Variants in ACOXL observed in about 807,000 individuals in gnomAD.
The protein encoded by ACOXL is acyl-CoA oxidase like, also known as acyl-coenzyme A oxidase-like protein.
A neutral mutation model predicts 71.9 loss-of-function variants in ACOXL; 70 were observed. The observed-to-expected ratio is 0.97, with a 90% CI of 0.80 to 1.19. ACOXL has a LOEUF of 1.19. ACOXL is among the 50% of genes most tolerant of loss of function. ACOXL has a pLI of 0.00. For synonymous variants in ACOXL, 253 were observed against 281.6 expected, an observed-to-expected ratio of 0.90 and a Z score of 1.02; for missense variants, 703 against 736.3, an observed-to-expected ratio of 0.95 and a Z score of 0.52.
intron 17 of ACOXL, among the ~76,000 whole-genome samples, chr2:111,108,738 G>A (rs1045900166): frequency 6.6e-6 from 1 of 152,164 alleles, no homozygotes; most frequent in Non-Finnish European, 1.5e-5. Flanking sequence ...ACTGTATAAT[G>A]CAGATCTCAG....
intron 10 of ACOXL, among the ~76,000 whole-genome samples, chr2:110,841,618 C>T (rs1383867862): frequency 1.3e-5 from 2 of 152,126 alleles, no homozygotes; most frequent in African/African-American, 4.8e-5. Context: ...GTAGATAGCA[C>T]ATTTATTTCA....
At chr2:110,903,033 C>G (rs976052365) in intron 10 of ACOXL, among the ~76,000 whole-genome samples, 5 of 152,248 alleles carry the variant, frequency 3.3e-5, no homozygotes, top group Non-Finnish European at 5.9e-5. Context: ...CCTCCTTCTT[C>G]TGGTTGCAGG....
intron 3 of ACOXL, among the ~76,000 whole-genome samples, chr2:110,790,163 G>A (rs1312604862): frequency 6.6e-6 from 1 of 152,214 alleles, no homozygotes; most frequent in African/African-American, 2.4e-5. Flanking sequence ...CTCCATAAAT[G>A]GTGGGGACTG....
chr2:111,034,454 A>G (rs1395622415), intron 15 of ACOXL, among the ~76,000 whole-genome samples: 1 of 152,246 alleles, frequency 6.6e-6, no homozygotes, highest in Non-Finnish European at 1.5e-5. Context: ...ATGATGGCAC[A>G]GTACAAAATA....
At chr2:111,068,961 A>T (rs748700419) in intron 16 of ACOXL, among the ~76,000 whole-genome samples, 1 of 152,176 alleles carries the variant, frequency 6.6e-6, no homozygotes, top group East Asian at 1.9e-4. Context: ...TTTTCCTGAA[A>T]TACAAGTGGA....
intron 12 of ACOXL, among the ~76,000 whole-genome samples, chr2:110,955,429 C>CCTCTCTCT (rs71383893): frequency 1.4e-5 from 2 of 140,928 alleles, no homozygotes; most frequent in African/African-American, 5.3e-5. Context: ...AGTCCACCTC[C>CCTCTCTCT]CTCTCTCTCT....
At chr2:111,085,799 G>GA (rs1163102895) in intron 16 of ACOXL, among the ~76,000 whole-genome samples, 1 of 151,820 alleles carries the variant, frequency 6.6e-6, no homozygotes, top group Non-Finnish European at 1.5e-5. Flanking sequence ...TTGTTTCTTT[G>GA]AAAAAATTAA....
At chr2:110,920,180 A>G (rs1457570408) in intron 11 of ACOXL, among the ~76,000 whole-genome samples, 1 of 152,152 alleles carries the variant, frequency 6.6e-6, no homozygotes, top group African/African-American at 2.4e-5. Context: ...TTGTGTTTTC[A>G]TCAGTGATGT....
chr2:110,900,332 C>G (rs1238431473), intron 10 of ACOXL, among the ~76,000 whole-genome samples: 1 of 152,016 alleles, frequency 6.6e-6, no homozygotes, highest in Non-Finnish European at 1.5e-5. Context: ...AATGGCTTTC[C>G]TAGATCAAGG....
At chr2:110,803,610 A>G (rs1686260564) in intron 8 of ACOXL, among the ~76,000 whole-genome samples, 1 of 152,236 alleles carries the variant, frequency 6.6e-6, no homozygotes, top group Admixed American at 6.5e-5. Flanking sequence ...CCTGGGTTTA[A>G]GCAGTCTATT....
intron 9 of ACOXL, among the ~76,000 whole-genome samples, chr2:110,818,454 TA>T (rs1688211060): frequency 7.6e-6 from 1 of 131,158 alleles, no homozygotes; most frequent in South Asian, 2.4e-4. Flanking sequence ...TGTGTGTGTA[TA>T]TATATATATA....
intron 9 of ACOXL, among the ~76,000 whole-genome samples, chr2:110,816,104 A>C (rs1687880233): frequency 6.6e-6 from 1 of 151,752 alleles, no homozygotes; most frequent in African/African-American, 2.4e-5. Flanking sequence ...TGGGTAGATG[A>C]ATGGATGGGT....
chr2:111,089,223 C>T (rs1480235408), intron 16 of ACOXL, among the ~76,000 whole-genome samples: 1 of 152,170 alleles, frequency 6.6e-6, no homozygotes, highest in African/African-American at 2.4e-5. Context: ...TCGCTTGAAC[C>T]AGGGAGGTGG....
chr2:111,007,450 G>A (rs535649909), intron 14 of ACOXL, among the ~76,000 whole-genome samples: 18 of 152,222 alleles, frequency 1.2e-4, no homozygotes, highest in African/African-American at 4.1e-4. Flanking sequence ...ATGTCAGCAT[G>A]CAGTCACAGA....
intron 14 of ACOXL, among the ~76,000 whole-genome samples, chr2:111,001,387 A>AAAAAACAAAAC (rs1553453883): frequency 6.6e-6 from 1 of 150,932 alleles, no homozygotes; most frequent in Non-Finnish European, 1.5e-5. Context: ...ACAAGTGGAG[A>AAAAAACAAAAC]AAAACAAAAC....
intron 12 of ACOXL, among the ~76,000 whole-genome samples, chr2:110,983,985 A>G (rs2062825560): frequency 2.0e-5 from 3 of 152,086 alleles, no homozygotes; most frequent in Admixed American, 2.0e-4. Context: ...CTGGGACTAT[A>G]AGCACGCACC....
intron 10 of ACOXL, among the ~76,000 whole-genome samples, chr2:110,845,167 G>A (rs1691657318): frequency 6.6e-6 from 1 of 152,222 alleles, no homozygotes; most frequent in African/African-American, 2.4e-5. Context: ...GGCGCCAGCA[G>A]GTTCAGTTGT....
rs115904346 is a variant in ACOXL at position 110,926,674 on chromosome 2, A to G, written c.906-6815A>G. Reference sequence around the variant, plus strand: ...AAATGCCCAATAAATGTTAGTTGCTATTGCCATCCCCTCCAGTACCCTCAA... The same window carrying G: ...AAATGCCCAATAAATGTTAGTTGCTGTTGCCATCCCCTCCAGTACCCTCAA... On this transcript the variant is annotated intron_variant, in intron 11 of 17. Transcript: ENST00000439055. Among the ~76,000 whole-genome samples, 313 of 152,238 alleles carry G rather than the reference A, an allele frequency of 2.1e-3. 2 individuals carry two copies. The highest frequency in any genetic ancestry group is 7.3e-3 in the African/African-American group (304 of 41,534).
At chr2:111,049,331 C>T (rs751767091) in intron 16 of ACOXL, 43 bp downstream of exon 16, 9 of 1,470,186 alleles carry the variant, frequency 6.1e-6, no homozygotes, top group South Asian at 5.7e-5. Context: ...AGGCTCAGAG[C>T]GTTTTTATTG....
Sources: gnomAD v4.1 joint callset for allele counts (sites outside exome capture counted in the v4.1 genomes callset) on GRCh38, gnomAD v4.1.1 for gene constraint, MANE v1.5 for transcripts, NCBI Gene and HGNC (gene_info 2026-07-23, HGNC 2026-07-21) for gene names.